Variants in RBBP5 observed in about 807,000 individuals in gnomAD.
RBBP5 encodes the protein RB binding protein 5, histone lysine methyltransferase complex subunit.
A neutral mutation model predicts 72.2 loss-of-function variants in RBBP5; 5 were observed. That is an observed-to-expected ratio of 0.07 (90% CI 0.04 to 0.15). RBBP5 has a LOEUF of 0.15. Among genes scored for constraint, RBBP5 ranks in the 10% least tolerant of loss-of-function variants. The pLI, the probability that RBBP5 is intolerant of heterozygous loss-of-function variation, is 1.00. For synonymous variants in RBBP5, 209 were observed against 237.2 expected (o/e 0.88, Z 1.09); for missense variants, 322 against 652.2 (o/e 0.49, Z 5.51).
Position 205,103,946 on chromosome 1 carries a change from G to C in RBBP5, c.433C>G (p.Leu145Val). The C allele has an allele frequency of 6.2e-7, 1 of 1,614,158 alleles. No individual in the cohort carries two copies. Among genetic ancestry groups the C allele is most frequent in the Non-Finnish European group, 8.5e-7 (1 of 1,180,010 alleles). Reference sequence around the variant, plus strand: ...AAATCGGAGTCATCGTCCACCGGCAGAACAACATGTTTGGAATCTGAAAGG... The same window carrying C: ...AAATCGGAGTCATCGTCCACCGGCACAACAACATGTTTGGAATCTGAAAGG... The part of the protein sequence containing the change: ...LTLSDSKHVV[L>V]PVDDDSDLNV... The change falls in exon 5 of 14, where the codon CTG (leucine) becomes GTG (valine). Residue 145 changes from leucine to valine, a missense_variant. Leu to Val is a conservative substitution (Grantham distance 32, BLOSUM62 1). Transcript: ENST00000264515.
At chr1:205,103,223 CAAAAAAA>C in intron 5 of RBBP5, among the ~76,000 whole-genome samples, 1 of 91,382 alleles carries the variant, frequency 1.1e-5, no homozygotes, top group African/African-American at 4.3e-5. Context: ...GACTCCATCT[CAAAAAAA>C]AAAAAAAAAA....
intron 13 of RBBP5, chr1:205,091,241 C>A (rs1655338307): frequency 6.6e-6 from 1 of 152,286 alleles, no homozygotes. Context: ...AGCTCTTGGG[C>A]AATCCTTGAG....
intron 13 of RBBP5, among the ~76,000 whole-genome samples, 185 bp from the exon 14 acceptor site, chr1:205,089,000 C>T (rs1558567981): frequency 6.6e-6 from 1 of 152,050 alleles, no homozygotes; most frequent in Non-Finnish European, 1.5e-5. Context: ...AAAAACAATC[C>T]AAATCCAAAC....
intron 5 of RBBP5, among the ~76,000 whole-genome samples, chr1:205,103,649 A>G (rs112595322): frequency 6.6e-6 from 1 of 152,206 alleles, no homozygotes; most frequent in East Asian, 1.9e-4. Context: ...AGGTCCTCCC[A>G]TGCTTTTCTA....
chr1:205,112,830 A>T (rs974176006), intron 3 of RBBP5, among the ~76,000 whole-genome samples: 1 of 152,238 alleles, frequency 6.6e-6, no homozygotes. Context: ...AAAAAATCAT[A>T]TCTAGAAACT....
At chr1:205,106,639 AC>A (rs1359484730) in intron 3 of RBBP5, among the ~76,000 whole-genome samples, 9 of 152,128 alleles carry the variant, frequency 5.9e-5, no homozygotes, top group Non-Finnish European at 1.0e-4. Context: ...GTCTCATAAT[AC>A]CCAAAATGCC....
chr1:205,103,972 G>A lies in RBBP5; in HGVS notation c.407C>T (p.Thr136Ile). The change falls in exon 5 of 14, where the codon ACC becomes ATC. Residue 136 changes from threonine (T) to isoleucine (I), a missense_variant. Transcript: ENST00000264515. ...CPMKSAPVML[T>I]LSDSKHVVLP... is the part of the protein sequence containing the mutation. Reference sequence around the variant, plus strand: ...AACAACATGTTTGGAATCTGAAAGGGTCAACATGACAGGAGCAGATTTCAT... The same window carrying A: ...AACAACATGTTTGGAATCTGAAAGGATCAACATGACAGGAGCAGATTTCAT... 6.2e-7 allele frequency: 1 copy of A among 1,614,076 alleles called. No individual in the cohort carries two copies. The highest frequency in any genetic ancestry group is 8.5e-7 in the Non-Finnish European group (1 of 1,179,974).
intron 1 of RBBP5, among the ~76,000 whole-genome samples, chr1:205,121,053 A>C (rs540689537): frequency 5.2e-4 from 79 of 152,354 alleles, no homozygotes; most frequent in African/African-American, 1.7e-3. Context: ...GACAATTAAC[A>C]TATCTTCTGA....
chr1:205,119,931 C>T (rs1656671988), intron 1 of RBBP5, among the ~76,000 whole-genome samples: 1 of 152,138 alleles, frequency 6.6e-6, no homozygotes, highest in African/African-American at 2.4e-5. Context: ...TTTCAATGAG[C>T]CCATCTGAAA....
At chr1:205,097,225 A>T in intron 11 of RBBP5, 101 bp downstream of exon 11, 1 of 1,139,120 alleles carries the variant, frequency 8.8e-7, no homozygotes, top group Admixed American at 2.2e-5. Flanking sequence ...TTAGCTAATA[A>T]GCAGACGGGA....
intron 3 of RBBP5, among the ~76,000 whole-genome samples, chr1:205,111,598 T>C (rs1558580260): frequency 6.6e-6 from 1 of 152,320 alleles, no homozygotes; most frequent in African/African-American, 2.4e-5. Flanking sequence ...ATTTCTACCA[T>C]TTCTCACATC....
chr1:205,107,618 A>G (rs1332070865), intron 3 of RBBP5, among the ~76,000 whole-genome samples: 1 of 152,226 alleles, frequency 6.6e-6, no homozygotes, highest in Non-Finnish European at 1.5e-5. Context: ...AAGAATGAAC[A>G]ATGAAAAGAG....
At chr1:205,112,223 CAGG>C (rs1656344387) in intron 3 of RBBP5, among the ~76,000 whole-genome samples, 1 of 151,996 alleles carries the variant, frequency 6.6e-6, no homozygotes, top group African/African-American at 2.4e-5. Context: ...GAGGTTGAGG[CAGG>C]AGAATTGCCT....
chr1:205,093,481 T>A (rs7551217), intron 13 of RBBP5, among the ~76,000 whole-genome samples: 1,006 of 5,988 alleles, frequency 0.17, 291 homozygotes, highest in South Asian at 0.63. Flanking sequence ...AAAAAAAAAA[T>A]ATATATATAT....
At chr1:205,121,763 C>T (rs1656745550) in intron 1 of RBBP5, 92 bp downstream of exon 1, 2 of 1,582,680 alleles carry the variant, frequency 1.3e-6, no homozygotes, top group Non-Finnish European at 1.7e-6. Flanking sequence ...CGAACAGTGT[C>T]CCTAAGATTG....
In RBBP5 at chr1:205,094,786, G is replaced by GA. The variant is rs561301648; in HGVS notation, c.1588+86dup. The GA allele has an allele frequency of 2.9e-4, 387 of 1,355,796 alleles. No homozygotes were observed. In the African/African-American group the frequency reaches 5.0e-3, roughly 18 times the overall value. 84.0% of individuals were successfully genotyped at this position (1,355,796 alleles called of 1,614,324 possible). A position where few individuals can be genotyped will look rare whatever the true frequency, so the allele number is the denominator to read the frequency against. On this transcript the variant is annotated intron_variant, in intron 13 of 13. Transcript: ENST00000264515. ...TGGGAAAAACGAGGGAAGAGAGGGG[G>GA]AAAAAATGTTGCAGTTAAATGAAGT...
intron 3 of RBBP5, among the ~76,000 whole-genome samples, chr1:205,108,037 G>A (rs1249192416): frequency 2.6e-5 from 4 of 151,140 alleles, no homozygotes; most frequent in Non-Finnish European, 4.4e-5. Flanking sequence ...GAGGTCAAGA[G>A]ATCGAGACCA....
rs1655216367 is a variant in RBBP5 at position 205,088,598 on chromosome 1, G to T, written c.*189C>A. On this transcript the variant is annotated 3_prime_UTR_variant, in exon 14 of 14. Transcript: ENST00000264515. ...TCTATTTGGACTTATGCTTGAAAGG[G>T]AAGGGAAGGTCGTATACTCTTCTTC... 1.8e-6 allele frequency: 1 copy of T among 559,776 alleles called. No individual in the cohort carries two copies. The highest frequency in any genetic ancestry group is 3.9e-5 in the Admixed American group (1 of 25,736). The allele number at this position is 559,776 out of a possible 1,614,324, so 34.7% of individuals were successfully genotyped here.
rs1574678588 is a variant in RBBP5 at position 205,088,446 on chromosome 1, C to T, written c.*341G>A. 4 of 231,408 alleles carry T rather than the reference C, an allele frequency of 1.7e-5. No homozygotes were observed. The highest frequency in any genetic ancestry group is 2.3e-5 in the African/African-American group (1 of 43,550). 14.3% of individuals were successfully genotyped at this position (231,408 alleles called of 1,614,324 possible). A position where few individuals can be genotyped will look rare whatever the true frequency, so the allele number is the denominator to read the frequency against. ...GATAGGAAATGACATGTCAAAATGA[C>T]GCTGGGTACAATGAAGTTAGATGAG... On this transcript the variant is annotated 3_prime_UTR_variant, in exon 14 of 14. Transcript: ENST00000264515.
Sources: gnomAD v4.1 joint callset for allele counts (sites outside exome capture counted in the v4.1 genomes callset) on GRCh38, gnomAD v4.1.1 for gene constraint, MANE v1.5 for transcripts, NCBI Gene and HGNC (gene_info 2026-07-23, HGNC 2026-07-21) for gene names.